Variants in ZBTB17 observed in about 807,000 individuals in gnomAD.
ZBTB17 encodes zinc finger and BTB domain-containing protein 17.
A neutral mutation model predicts 85.1 loss-of-function variants in ZBTB17; 24 were observed. The ratio of observed to expected loss-of-function variants is 0.28; its 90% CI spans 0.20 to 0.40. The LOEUF (loss-of-function observed/expected upper bound fraction) is 0.40, where lower values mean the gene tolerates loss of function less well. Ranked by LOEUF, ZBTB17 falls within the 10% of genes least tolerant of loss-of-function variation. The pLI, the probability that ZBTB17 is intolerant of heterozygous loss-of-function variation, is 1.00. For synonymous variants in ZBTB17, 464 were observed against 460.2 expected (o/e 1.01, Z -0.11); for missense variants, 743 against 1,105.1 (o/e 0.67, Z 4.65).
At chr1:15,957,037 G>A (rs764575086) in intron 2 of ZBTB17, among the ~76,000 whole-genome samples, 5 of 151,962 alleles carry the variant, frequency 3.3e-5, no homozygotes, top group Admixed American at 6.6e-5. Context: ...AAAATTAGCC[G>A]GGCATGGTGG....
chr1:15,946,386 G>A (rs754210961), intron 4 of ZBTB17, 92 bp from the exon 5 acceptor site: 52 of 1,539,580 alleles, frequency 3.4e-5, no homozygotes, highest in East Asian at 9.1e-5. Context: ...GGTCTTCCTC[G>A]TCCTCCCTAG....
At chr1:15,972,166 G>C (rs1467120652) in intron 2 of ZBTB17, among the ~76,000 whole-genome samples, 1 of 152,198 alleles carries the variant, frequency 6.6e-6, no homozygotes, top group African/African-American at 2.4e-5. Context: ...GGATACACAT[G>C]GCTGGGAGCA....
Position 15,973,396 on chromosome 1 carries a change from C to G in ZBTB17, c.-89-271G>C, listed in dbSNP as rs1323749363. Among the ~76,000 whole-genome samples the G allele has an allele frequency of 2.6e-5, 4 of 152,178 alleles. No individual in the cohort carries two copies. The East Asian group carries it at 7.7e-4, about 29-fold the overall frequency. Reference sequence around the variant, plus strand: ...AGGACACAATGTTAAGAAGGAAAAACGACAAGGTTTGTATCCAAGCATTAC... The same window carrying G: ...AGGACACAATGTTAAGAAGGAAAAAGGACAAGGTTTGTATCCAAGCATTAC... On this transcript the variant is annotated intron_variant, in intron 1 of 15. Coordinates refer to ENST00000375743, the MANE Select transcript of ZBTB17 (RefSeq NM_003443.3). This position sits in a 1 kb window ranked among gnomAD's most constrained non-coding sequence, Gnocchi z 4.1.
intron 3 of ZBTB17, 123 bp from the exon 4 acceptor site, chr1:15,947,246 C>T (rs768401951): frequency 7.0e-6 from 7 of 994,616 alleles, no homozygotes; most frequent in East Asian, 2.6e-5. Flanking sequence ...AAGCCTGCAT[C>T]GCCCCATCTC....
At chr1:15,967,227 TTAGC>T (rs2072474026) in intron 2 of ZBTB17, among the ~76,000 whole-genome samples, 1 of 142,886 alleles carries the variant, frequency 7.0e-6, no homozygotes, top group African/African-American at 2.6e-5. Flanking sequence ...AACAGAAAAA[TTAGC>T]TAGGTGTGGT....
In ZBTB17 at chr1:15,942,129, G is replaced by C; in HGVS notation, c.2252C>G (p.Ala751Gly). Residue 751 changes from alanine to glycine, a missense_variant, in exon 16 of 16, where the codon GCG becomes GGG. Physicochemically the swap from Ala to Gly is moderately conservative, Grantham distance 60. This residue lies in a region of ZBTB17 where 69 missense variants were observed against 77.0 expected (regional missense o/e 0.90). Transcript: ENST00000375743. ...TGGCCCATACTGCTGATAGAAGTCC[G>C]CGTCTGTCTGGAACATGACCAGTGC... is the stretch of plus-strand genomic sequence containing the variant. Reference protein sequence around the residue: ...AQALVMFQTDADFYQQYGPGG... With the variant: ...AQALVMFQTDGDFYQQYGPGG... 1 of 1,613,500 alleles carries C rather than the reference G, an allele frequency of 6.2e-7. No homozygotes were observed. Among genetic ancestry groups the C allele is most frequent in the Non-Finnish European group, 8.5e-7 (1 of 1,180,030 alleles).
chr1:15,961,248 T>A (rs1319861406), intron 2 of ZBTB17, among the ~76,000 whole-genome samples: 1 of 152,030 alleles, frequency 6.6e-6, no homozygotes, highest in Non-Finnish European at 1.5e-5. Flanking sequence ...GTTAGCAGAC[T>A]TTTTTCCATT....
Position 15,976,065 on chromosome 1 carries a change from G to A in ZBTB17, c.-172C>T, listed in dbSNP as rs1412139605. The stretch of plus-strand genomic sequence containing the variant: ...GGGACGGCACTCCAGAGCAGACAAA[G>A]GGCGCCGCCATGTTAGAGTCGGGCG... On this transcript the variant is annotated 5_prime_UTR_variant, in exon 1 of 16. Coordinates refer to ENST00000375743, the MANE Select transcript of ZBTB17 (RefSeq NM_003443.3). The A allele has an allele frequency of 4.1e-5, 28 of 689,546 alleles. No homozygotes were observed. Among genetic ancestry groups the A allele is most frequent in the South Asian group, 3.0e-4 (20 of 66,142 alleles). 42.7% of individuals were successfully genotyped at this position (689,546 alleles called of 1,614,324 possible). A position where few individuals can be genotyped will look rare whatever the true frequency, so the allele number is the denominator to read the frequency against.
At chr1:15,960,555 C>A (rs2072221572) in intron 2 of ZBTB17, among the ~76,000 whole-genome samples, 1 of 152,190 alleles carries the variant, frequency 6.6e-6, no homozygotes, top group East Asian at 1.9e-4. Flanking sequence ...AAAGGCCCCC[C>A]ACACTGCAGT....
rs973626167 is a variant in ZBTB17, at chr1:15,952,324, C to A, written c.-2-3827G>T. ...CCAAAAGCTTAGGTGGACACAGAGCCCTGGGCTCCCTCACGAGGAATTCAC... is the reference window on the plus strand; with the variant it reads ...CCAAAAGCTTAGGTGGACACAGAGCACTGGGCTCCCTCACGAGGAATTCAC... On this transcript the variant is annotated intron_variant, in intron 2 of 15. Coordinates refer to ENST00000375743, the MANE Select transcript of ZBTB17 (RefSeq NM_003443.3). This position sits in a 1 kb window ranked among gnomAD's most constrained non-coding sequence, Gnocchi z 4.3. 3.9e-5 allele frequency among the ~76,000 whole-genome samples: 6 copies of A among 152,202 alleles called. No individual in the cohort carries two copies. Among genetic ancestry groups the A allele is most frequent in the Admixed American group, 3.3e-4 (5 of 15,284 alleles).
chr1:15,974,304 A>C (rs1261043823), intron 1 of ZBTB17, among the ~76,000 whole-genome samples: 1 of 147,428 alleles, frequency 6.8e-6, no homozygotes, highest in Non-Finnish European at 1.5e-5. Context: ...CCAGAGGTGT[A>C]CTCCACCATG....
rs1442365258 is a variant in ZBTB17 at position 15,943,862 on chromosome 1, T to C, written c.1405A>G (p.Ile469Val). The C allele has an allele frequency of 1.2e-6, 2 of 1,609,704 alleles. No homozygotes were observed. The highest frequency in any genetic ancestry group is 1.7e-5 in the Admixed American group (1 of 59,604). The change falls in exon 10 of 16, where the codon ATC becomes GTC. Residue 469 changes from isoleucine to valine, a missense_variant. Around this residue, in one of 4 missense-constraint regions of ZBTB17, gnomAD observed 321 missense variants for 615.7 expected, o/e 0.52. Coordinates refer to ENST00000375743, the MANE Select transcript of ZBTB17 (RefSeq NM_003443.3). ...GNLKAHLKIH[I>V]ADGPLKCREC... The stretch of plus-strand genomic sequence containing the variant: ...CGGCACTTGAGGGGCCCGTCAGCGA[T>C]GTGGATCTTCAGGTGGGCCTTCAGG...
Position 15,976,027 on chromosome 1 carries a change from C to A in ZBTB17, c.-134G>T, listed in dbSNP as rs375895654. 1.0e-3 allele frequency: 713 copies of A among 697,346 alleles called. 13 individuals are homozygous for A. The South Asian group carries it at 0.01, about 10-fold the overall frequency. The allele number at this position is 697,346 out of a possible 1,614,324, so 43.2% of individuals were successfully genotyped here. ...ACCGCAGAGGGAGGTGCATCACGGCCGCGAGAAGGCCGGGGACGGCACTCC... is the reference window on the plus strand; with the variant it reads ...ACCGCAGAGGGAGGTGCATCACGGCAGCGAGAAGGCCGGGGACGGCACTCC... On this transcript the variant is annotated 5_prime_UTR_variant, in exon 1 of 16. Coordinates refer to ENST00000375743, the MANE Select transcript of ZBTB17 (RefSeq NM_003443.3).
At position 15,948,541 on chromosome 1, in the gene ZBTB17, C is replaced by T. The variant is rs1338531874; in HGVS notation, c.-2-44G>A. 12 of 1,580,748 alleles carry T rather than the reference C, an allele frequency of 7.6e-6. 1 individual carries two copies. Among genetic ancestry groups the T allele is most frequent in the Middle Eastern group, 1.7e-4 (1 of 5,800 alleles). ...CGTTGGGGTTAGCACGGAGAAAGGACGTCAGACACGCTCAACAGTCACTCC... is the reference window on the plus strand; with the variant it reads ...CGTTGGGGTTAGCACGGAGAAAGGATGTCAGACACGCTCAACAGTCACTCC... On this transcript the variant is annotated intron_variant, in intron 2 of 15. Transcript: ENST00000375743.
chr1:15,942,039 C>G lies in ZBTB17; in HGVS notation c.2342G>C (p.Gly781Ala). ...AGELVFRPRD[G>A]AEGQPALAET... ...TGCCAGTGCGGGCTGGCCCTCAGCC[C>G]CGTCGCGAGGGCGGAAGACCAGCTC... Residue 781 changes from glycine to alanine, a missense_variant, in exon 16 of 16, where the codon GGG becomes GCG. Around this residue, in one of 4 missense-constraint regions of ZBTB17, gnomAD observed 69 missense variants for 77.0 expected, o/e 0.90. Transcript: ENST00000375743. 3 of 1,611,150 alleles carry G rather than the reference C, an allele frequency of 1.9e-6. No individual in the cohort carries two copies. In the South Asian group the frequency reaches 3.3e-5, roughly 18 times the overall value.
At chr1:15,965,276 T>C (rs2072403147) in intron 2 of ZBTB17, among the ~76,000 whole-genome samples, 1 of 151,998 alleles carries the variant, frequency 6.6e-6, no homozygotes, top group African/African-American at 2.4e-5. Flanking sequence ...ACAAAATGTC[T>C]ACAAACCACC....
rs2071943454 is a variant in ZBTB17, at chr1:15,953,611, G to A, written c.-2-5114C>T. ...TAAGCCAGGTTTCTGTTTGGGCCGTGAAATCCACTCTGGTGCCAAGTTCCA... is the reference window on the plus strand; with the variant it reads ...TAAGCCAGGTTTCTGTTTGGGCCGTAAAATCCACTCTGGTGCCAAGTTCCA... On this transcript the variant is annotated intron_variant, in intron 2 of 15. Coordinates refer to ENST00000375743, the MANE Select transcript of ZBTB17 (RefSeq NM_003443.3). The surrounding 1 kb of genome is among the most constrained non-coding windows in gnomAD (Gnocchi z 5.1). 6.6e-6 allele frequency among the ~76,000 whole-genome samples: 1 copy of A among 151,950 alleles called. No homozygotes were observed. Among genetic ancestry groups the A allele is most frequent in the South Asian group, 2.1e-4 (1 of 4,822 alleles).
Position 15,966,954 on chromosome 1 carries a change from C to T in ZBTB17, c.-3+6085G>A, listed in dbSNP as rs990040451. Among the ~76,000 whole-genome samples, 1 of 150,414 alleles carries T rather than the reference C, an allele frequency of 6.6e-6. No homozygotes were observed. The highest frequency in any genetic ancestry group is 2.5e-5 in the African/African-American group (1 of 40,614). On this transcript the variant is annotated intron_variant, in intron 2 of 15. Transcript: ENST00000375743. The surrounding 1 kb of genome is among the most constrained non-coding windows in gnomAD (Gnocchi z 4.1). ...ATTAATTAAAAAACAAAAAAAAAAG[C>T]CGTGGCCAGCAAAAGAAGTAGATTA...
chr1:15,945,663 G>A (rs935391100), intron 6 of ZBTB17, 52 bp downstream of exon 6: 3 of 1,598,178 alleles, frequency 1.9e-6, no homozygotes, highest in Non-Finnish European at 2.5e-6. Context: ...GTGGAGGCAG[G>A]GCCCTGGGAG....
Sources: allele counts gnomAD v4.1 joint callset (sites outside exome capture counted in the v4.1 genomes callset), GRCh38; gene constraint gnomAD v4.1.1; regional missense constraint gnomAD v4.1.1; non-coding constraint Gnocchi (gnomAD v3.1); transcripts MANE v1.5; gene names NCBI Gene and HGNC (gene_info 2026-07-23, HGNC 2026-07-21).